CIZ1: variants seen among roughly 807,000 people sequenced by gnomAD.
CIZ1 encodes cip1-interacting zinc finger protein.
Under a neutral mutation model 118.6 loss-of-function variants are expected in CIZ1, and 58 were observed. The ratio of observed to expected loss-of-function variants is 0.49; its 90% CI spans 0.40 to 0.61. The LOEUF (loss-of-function observed/expected upper bound fraction) is 0.61. Among genes scored for constraint, CIZ1 ranks in the 20% least tolerant of loss-of-function variants. CIZ1 has a pLI of 0.00. For missense variants in CIZ1, 921 were observed against 1,115.9 expected, an observed-to-expected ratio of 0.83 and a Z score of 2.49; for synonymous variants, 448 against 443.4, an observed-to-expected ratio of 1.01 and a Z score of -0.13.
chr9:128,190,435 G>A lies in CIZ1; in HGVS notation c.180C>T (p.Pro60=). 6.2e-7 allele frequency: 1 copy of A among 1,612,292 alleles called. No homozygotes were observed. Among genetic ancestry groups the A allele is most frequent in the Non-Finnish European group, 8.5e-7 (1 of 1,178,914 alleles). Residue 60 remains proline, a synonymous_variant, in exon 3 of 17, where the codon CCC becomes CCT. Transcript: ENST00000372938. The part of the protein sequence containing the change: ...PLPMAVSRGL[P]PQQPQQPLLN... ...GAAGCGGCTGCTGTGGCTGCTGCGG[G>A]GGGAGCCCCCTGTGTGTTGGGAGGG... is the stretch of plus-strand genomic sequence containing the variant.
At chr9:128,170,515 T>C (rs984434557) in intron 11 of CIZ1, among the ~76,000 whole-genome samples, 2 of 152,128 alleles carry the variant, frequency 1.3e-5, no homozygotes, top group South Asian at 2.1e-4. Context: ...TAGCCAGGCA[T>C]GGTGGCTCAT....
intron 1 of CIZ1, chr9:128,196,901 C>G (rs45591742): frequency 6.6e-6 from 1 of 152,256 alleles, no homozygotes; most frequent in African/African-American, 2.4e-5. Flanking sequence ...TGCACCTGGC[C>G]GCGAATGTCT....
chr9:128,181,769 G>C (rs992446051), intron 5 of CIZ1, among the ~76,000 whole-genome samples: 31 of 139,400 alleles, frequency 2.2e-4, no homozygotes, highest in African/African-American at 8.1e-4. Context: ...AAAGGCGGGG[G>C]GGGGGGGGGG....
chr9:128,168,756 T>G (rs1829760823), intron 14 of CIZ1: 2 of 382,002 alleles, frequency 5.2e-6, no homozygotes, highest in Non-Finnish European at 9.9e-6. Flanking sequence ...ATCATCTGAC[T>G]TTTCCTTTGC....
chr9:128,203,689 C>A lies in CIZ1; in HGVS notation c.-6+497G>T. ...CGACCCCCGGGATCCCTGGAGTCCC[C>A]GCCCGGGGCACTGACGGCGCGGCGA... On this transcript the variant is annotated intron_variant, in intron 1 of 17. Coordinates refer to the CIZ1 transcript ENST00000372948. The surrounding 1 kb of genome is among the most constrained non-coding windows in gnomAD (Gnocchi z 5.3). 1 of 1,404,216 alleles carries A rather than the reference C, an allele frequency of 7.1e-7. No individual in the cohort carries two copies. The highest frequency in any genetic ancestry group is 1.5e-5 in the African/African-American group (1 of 66,204). 87.0% of individuals were successfully genotyped at this position (1,404,216 alleles called of 1,614,324 possible).
At position 128,191,186 on chromosome 9, in the gene CIZ1, C is replaced by T. The variant is rs1833097819; in HGVS notation, c.-6+246G>A. 2 of 432,718 alleles carry T rather than the reference C, an allele frequency of 4.6e-6. No homozygotes were observed. Among genetic ancestry groups the T allele is most frequent in the Non-Finnish European group, 4.1e-6 (1 of 242,788 alleles). 26.8% of individuals were successfully genotyped at this position (432,718 alleles called of 1,614,324 possible). On this transcript the variant is annotated intron_variant, in intron 1 of 16. Coordinates refer to ENST00000372938, the MANE Select transcript of CIZ1 (RefSeq NM_001131016.2). This position sits in a 1 kb window ranked among gnomAD's most constrained non-coding sequence, Gnocchi z 5.5. ...CCTCAGCCTCAGCCTCTCTCTGCGCCCATCACTTCCTCACTCACAGCCCCT... is the reference window on the plus strand; with the variant it reads ...CCTCAGCCTCAGCCTCTCTCTGCGCTCATCACTTCCTCACTCACAGCCCCT...
upstream of CIZ1, among the ~76,000 whole-genome samples, chr9:128,194,609 G>A (rs1322580540): frequency 6.6e-6 from 1 of 152,048 alleles, no homozygotes; most frequent in African/African-American, 2.4e-5. Context: ...CTGAGGTCAG[G>A]AGTTCGAGAC....
At chr9:128,170,617 T>G (rs1434710474) in intron 11 of CIZ1, among the ~76,000 whole-genome samples, 1 of 152,032 alleles carries the variant, frequency 6.6e-6, no homozygotes, top group African/African-American at 2.4e-5. Flanking sequence ...ATAGCGCCAC[T>G]GCACTCCAAC....
chr9:128,169,543 G>C lies in CIZ1; in HGVS notation c.2032-24C>G, dbSNP rs762988791. Reference sequence around the variant, plus strand: ...ATCTGGAAAAAGGCAGGCCAACCAAGCAGTGTCCCCAGCTGCAAGCCCCCT... The same window carrying C: ...ATCTGGAAAAAGGCAGGCCAACCAACCAGTGTCCCCAGCTGCAAGCCCCCT... On this transcript the variant is annotated intron_variant, in intron 12 of 16. Coordinates refer to ENST00000372938, the MANE Select transcript of CIZ1 (RefSeq NM_001131016.2). The C allele has an allele frequency of 8.1e-6, 13 of 1,611,842 alleles. No individual in the cohort carries two copies. Among genetic ancestry groups the C allele is most frequent in the Non-Finnish European group, 9.3e-6 (11 of 1,178,318 alleles).
chr9:128,199,526 T>C (rs1465682842), intron 1 of CIZ1, among the ~76,000 whole-genome samples: 5 of 151,784 alleles, frequency 3.3e-5, no homozygotes. Context: ...CAAAGCAAGA[T>C]CCCGTCTGTA....
chr9:128,168,551 G>A (rs1281476593), intron 14 of CIZ1, among the ~76,000 whole-genome samples: 1 of 149,430 alleles, frequency 6.7e-6, no homozygotes, highest in East Asian at 1.9e-4. Context: ...AAACTGCAAC[G>A]AATCCAAGCT....
chr9:128,189,744 C>T (rs1213405620), intron 3 of CIZ1, among the ~76,000 whole-genome samples: 2 of 147,220 alleles, frequency 1.4e-5, no homozygotes, highest in East Asian at 4.0e-4. Flanking sequence ...TGCTTGGACC[C>T]GGGAACCGGA....
intron 7 of CIZ1, among the ~76,000 whole-genome samples, chr9:128,180,140 T>C (rs996555637): frequency 1.3e-5 from 2 of 152,154 alleles, no homozygotes; most frequent in East Asian, 1.9e-4. Context: ...GCCTGCCCAC[T>C]ACGGTCCCAG....
intron 11 of CIZ1, among the ~76,000 whole-genome samples, chr9:128,175,993 C>T (rs1168031789): frequency 6.6e-6 from 1 of 152,202 alleles, no homozygotes; most frequent in African/African-American, 2.4e-5. Flanking sequence ...AAACCCTAAC[C>T]TCCAACCACA....
chr9:128,185,527 CAT>C lies in CIZ1; in HGVS notation c.588+18_588+19del. 5 of 1,483,162 alleles carry C rather than the reference CAT, an allele frequency of 3.4e-6. No homozygotes were observed. Among genetic ancestry groups the C allele is most frequent in the Non-Finnish European group, 4.5e-6 (5 of 1,104,588 alleles). The allele number at this position is 1,483,162 out of a possible 1,614,324, so 91.9% of individuals were successfully genotyped here. ...CCCAGGGTCCCCTCCCGCCCACTCC[CAT>C]CCCCACCTACCACTCACCTTTCGAT... is the stretch of plus-strand genomic sequence containing the variant. On this transcript the variant is annotated intron_variant, in intron 5 of 16. Coordinates refer to ENST00000372938, the MANE Select transcript of CIZ1 (RefSeq NM_001131016.2).
chr9:128,166,673 A>G lies in CIZ1; in HGVS notation c.2487+86T>C, dbSNP rs1393866068. 4.6e-6 allele frequency: 7 copies of G among 1,536,716 alleles called. No individual in the cohort carries two copies. The Admixed American group carries it at 1.2e-4, about 26-fold the overall frequency. On this transcript the variant is annotated intron_variant, in intron 16 of 16. Coordinates refer to ENST00000372938, the MANE Select transcript of CIZ1 (RefSeq NM_001131016.2). This position sits in a 1 kb window ranked among gnomAD's most constrained non-coding sequence, Gnocchi z 4.4. ...CCTGGGGATTGAGGCCCTGCACAAG[A>G]GGGAGTGGCCACTAGCCACCCGAAT...
chr9:128,172,832 C>G (rs1477541841), intron 11 of CIZ1, among the ~76,000 whole-genome samples: 1 of 151,792 alleles, frequency 6.6e-6, no homozygotes, highest in Non-Finnish European at 1.5e-5. Flanking sequence ...ATATAATGAG[C>G]GAATTATTTT....
rs1330102489 is a variant in CIZ1 at position 128,203,295 on chromosome 9, C to G, written c.-6+891G>C. 1 of 369,000 alleles carries G rather than the reference C, an allele frequency of 2.7e-6. No homozygotes were observed. Among genetic ancestry groups the G allele is most frequent in the African/African-American group, 2.2e-5 (1 of 46,004 alleles). The allele number at this position is 369,000 out of a possible 1,614,324, so 22.9% of individuals were successfully genotyped here. ...CGGCGCCTGCGCACGGCGGCCGGCC[C>G]GCAGCGCCGCGGGCTCCCCCTAGCG... On this transcript the variant is annotated intron_variant, in intron 1 of 17. Coordinates refer to the CIZ1 transcript ENST00000372948. This position sits in a 1 kb window ranked among gnomAD's most constrained non-coding sequence, Gnocchi z 5.3.
chr9:128,183,455 T>C (rs1831946900), intron 5 of CIZ1, among the ~76,000 whole-genome samples: 1 of 152,108 alleles, frequency 6.6e-6, no homozygotes. Context: ...TGAAGGAAAA[T>C]GCCTTACCTC....
Sources: allele counts gnomAD v4.1 joint callset (sites outside exome capture counted in the v4.1 genomes callset), GRCh38; gene constraint gnomAD v4.1.1; non-coding constraint Gnocchi (gnomAD v3.1); transcripts MANE v1.5; gene names NCBI Gene and HGNC (gene_info 2026-07-23, HGNC 2026-07-21).